CSMD1: variants seen among roughly 807,000 people sequenced by gnomAD.
The protein encoded by CSMD1 is CUB and sushi domain-containing protein 1.
CSMD1 carries 213 observed loss-of-function variants against 417.5 expected under a neutral mutation model. The ratio of observed to expected loss-of-function variants is 0.51; its 90% CI spans 0.46 to 0.57. The LOEUF (loss-of-function observed/expected upper bound fraction) is 0.57. CSMD1 is among the 20% of genes least tolerant of loss of function. CSMD1 has a pLI of 0.00. For synonymous variants in CSMD1, 2,862 were observed against 1,736.8 expected (o/e 1.65, Z -16.11); for missense variants, 6,923 against 4,529.7 (o/e 1.53, Z -15.17).
In CSMD1 at chr8:3,179,374, A is replaced by G. The variant is rs1426046944; in HGVS notation, c.5725+1736T>C. On this transcript the variant is annotated intron_variant, in intron 37 of 69. Coordinates refer to ENST00000635120, the MANE Select transcript of CSMD1 (RefSeq NM_033225.6). ...ACAACCACTTAAAAAAGAAAATAACAAACAAAAATGTGGCATTATGTTTAG... is the reference window on the plus strand; with the variant it reads ...ACAACCACTTAAAAAAGAAAATAACGAACAAAAATGTGGCATTATGTTTAG... Among the ~76,000 whole-genome samples the G allele has an allele frequency of 5.9e-5, 9 of 152,224 alleles. No individual in the cohort carries two copies. The East Asian group carries it at 1.5e-3, about 26-fold the overall frequency.
At position 3,401,629 on chromosome 8, in the gene CSMD1, G is replaced by A. The variant is rs940610031; in HGVS notation, c.2267-2100C>T. Reference sequence around the variant, plus strand: ...GCAACTGTAGTAGCTACAGTTGGAAGTGAATTTCTCACAAATGTGGCATGT... The same window carrying A: ...GCAACTGTAGTAGCTACAGTTGGAAATGAATTTCTCACAAATGTGGCATGT... On this transcript the variant is annotated intron_variant, in intron 15 of 69. Coordinates refer to ENST00000635120, the MANE Select transcript of CSMD1 (RefSeq NM_033225.6). Among the ~76,000 whole-genome samples, 8 of 152,328 alleles carry A rather than the reference G, an allele frequency of 5.3e-5. 1 individual carries two copies. In the South Asian group the frequency reaches 8.3e-4, roughly 16 times the overall value.
intron 3 of CSMD1, among the ~76,000 whole-genome samples, chr8:4,206,449 C>A (rs1171466867): frequency 1.3e-5 from 2 of 152,020 alleles, no homozygotes; most frequent in African/African-American, 4.8e-5. Context: ...GGTTTTCTGT[C>A]CTTGTGATAG....
In CSMD1 at chr8:4,015,069, A is replaced by C. The variant is rs59769397; in HGVS notation, c.610+16836T>G. Among the ~76,000 whole-genome samples the C allele has an allele frequency of 6.8e-3, 1,040 of 152,268 alleles. 57 individuals carry two copies. The East Asian group carries it at 0.13, about 20-fold the overall frequency. ...CAGTTTTAATTTTGATACGATTTAC[A>C]CTGGAATTGTTTATTGCAAAGTATG... On this transcript the variant is annotated intron_variant, in intron 4 of 69. Transcript: ENST00000635120.
At chr8:3,230,594 C>G (rs572261767) in intron 26 of CSMD1, among the ~76,000 whole-genome samples, 5 of 152,152 alleles carry the variant, frequency 3.3e-5, no homozygotes, top group South Asian at 2.1e-4. Flanking sequence ...ATTACATAAA[C>G]TAGTTAAAGT....
At chr8:4,036,445 A>G (rs890213930) in intron 3 of CSMD1, among the ~76,000 whole-genome samples, 1 of 152,234 alleles carries the variant, frequency 6.6e-6, no homozygotes, top group Non-Finnish European at 1.5e-5. Context: ...ATTAATGAAT[A>G]TGAGTCTCCC....
chr8:4,981,080 C>A (rs1007626663), intron 1 of CSMD1, among the ~76,000 whole-genome samples: 4 of 152,162 alleles, frequency 2.6e-5, no homozygotes, highest in African/African-American at 4.8e-5. Flanking sequence ...ATGCGTGCAT[C>A]TTTGCAGATA....
intron 18 of CSMD1, among the ~76,000 whole-genome samples, chr8:3,386,691 C>T (rs972239048): frequency 6.6e-6 from 1 of 152,136 alleles, no homozygotes; most frequent in Non-Finnish European, 1.5e-5. Context: ...TCCATAGAAA[C>T]AATGTGTTTT....
intron 26 of CSMD1, among the ~76,000 whole-genome samples, chr8:3,258,189 A>T (rs184711191): frequency 8.5e-5 from 13 of 152,342 alleles, no homozygotes; most frequent in African/African-American, 3.1e-4. Context: ...AAATTTTTCC[A>T]AAATATGCAT....
intron 5 of CSMD1, among the ~76,000 whole-genome samples, chr8:3,962,538 T>A (rs1000108190): frequency 4.6e-5 from 7 of 152,050 alleles, no homozygotes; most frequent in South Asian, 2.1e-4. Context: ...TAATCGCAGG[T>A]AAGCAAAGTG....
chr8:4,464,584 T>G (rs1800041600), intron 2 of CSMD1, among the ~76,000 whole-genome samples: 1 of 152,116 alleles, frequency 6.6e-6, no homozygotes, highest in Non-Finnish European at 1.5e-5. Flanking sequence ...ACGGGTGGTT[T>G]CTACTGAACG....
In CSMD1 at chr8:3,409,463, C is replaced by A; in HGVS notation, c.1704G>T (p.Gln568His). Residue 568 changes from glutamine to histidine, a missense_variant, in exon 13 of 70, where the codon CAG becomes CAT. By Grantham distance (24) the Gln-to-His change is conservative. Coordinates refer to ENST00000635120, the MANE Select transcript of CSMD1 (RefSeq NM_033225.6). ...ELVGERVITC[Q>H]QNNQWSGNKP... ...TGTTGCCAGACCACTGATTGTTCTG[C>A]TGACAGGTGATAACTCTCTCCCCCA... 1 of 1,611,602 alleles carries A rather than the reference C, an allele frequency of 6.2e-7. No homozygotes were observed. The highest frequency in any genetic ancestry group is 2.2e-5 in the East Asian group (1 of 44,762).
intron 1 of CSMD1, among the ~76,000 whole-genome samples, chr8:4,649,784 T>C (rs73509029): frequency 0.064 from 9,756 of 152,302 alleles, 518 homozygotes; most frequent in African/African-American, 0.14. Flanking sequence ...AATAATGATG[T>C]TTATCTTTAG....
At chr8:3,956,640 T>C (rs1811968302) in intron 5 of CSMD1, among the ~76,000 whole-genome samples, 1 of 152,336 alleles carries the variant, frequency 6.6e-6, no homozygotes, top group Non-Finnish European at 1.5e-5. Flanking sequence ...GTTGTTATTT[T>C]CATTTTTGGA....
At chr8:4,278,734 C>T (rs993434156) in intron 3 of CSMD1, among the ~76,000 whole-genome samples, 1 of 152,162 alleles carries the variant, frequency 6.6e-6, no homozygotes, top group Non-Finnish European at 1.5e-5. Flanking sequence ...CCACTATCAT[C>T]TCTGTTTGAC....
At chr8:4,985,380 T>C (rs4092286) in intron 1 of CSMD1, among the ~76,000 whole-genome samples, 2 of 151,552 alleles carry the variant, frequency 1.3e-5, no homozygotes, top group Admixed American at 1.3e-4. Flanking sequence ...AAGTTTTTTT[T>C]AAAAAAAAAT....
At chr8:3,656,700 G>C (rs1446204286) in intron 7 of CSMD1, among the ~76,000 whole-genome samples, 1 of 152,162 alleles carries the variant, frequency 6.6e-6, no homozygotes, top group Non-Finnish European at 1.5e-5. Context: ...GGCTGAGGCA[G>C]GCAGATCACA....
intron 10 of CSMD1, among the ~76,000 whole-genome samples, chr8:3,503,571 C>A (rs980953883): frequency 6.6e-6 from 1 of 152,206 alleles, no homozygotes; most frequent in African/African-American, 2.4e-5. Context: ...CTGACATCCC[C>A]GCCCTCAGGG....
chr8:3,792,473 G>T (rs2720784), intron 5 of CSMD1, among the ~76,000 whole-genome samples: 151,540 of 152,266 alleles, frequency 1, 75,410 homozygotes, highest in Middle Eastern at 1. Context: ...CTTACTTTTT[G>T]CCTTAAATGC....
rs1001481366 is a variant in CSMD1 at position 2,998,262 on chromosome 8, A to C, written c.8204-78T>G. 8.4e-6 allele frequency: 12 copies of C among 1,424,460 alleles called. No individual in the cohort carries two copies. In the Admixed American group the frequency reaches 1.2e-4, roughly 15 times the overall value. 88.2% of individuals were successfully genotyped at this position (1,424,460 alleles called of 1,614,324 possible). A position where few individuals can be genotyped will look rare whatever the true frequency, so the allele number is the denominator to read the frequency against. ...TCCCTTGGGATTATTAATAAGAAAC[A>C]TGCAGGCATGCTAACGGTATGGACT... On this transcript the variant is annotated intron_variant, in intron 53 of 69. Transcript: ENST00000635120.
Sources: gnomAD v4.1 joint callset for allele counts (sites outside exome capture counted in the v4.1 genomes callset) on GRCh38, gnomAD v4.1.1 for gene constraint, MANE v1.5 for transcripts, NCBI Gene and HGNC (gene_info 2026-07-23, HGNC 2026-07-21) for gene names.